Variants in PRDM2 observed in about 807,000 individuals in gnomAD.
The protein encoded by PRDM2 is PR domain zinc finger protein 2.
PRDM2 carries 30 observed loss-of-function variants against 130.0 expected under a neutral mutation model. That is an observed-to-expected ratio of 0.23 (90% CI 0.17 to 0.31). The LOEUF is 0.31. Among genes scored for constraint, PRDM2 ranks in the 10% least tolerant of loss-of-function variants. The pLI, the probability that PRDM2 is intolerant of heterozygous loss-of-function variation, is 1.00. For synonymous variants in PRDM2, 871 were observed against 782.4 expected (o/e 1.11, Z -1.89); for missense variants, 2,011 against 2,108.4 (o/e 0.95, Z 0.90).
intron 6 of PRDM2, among the ~76,000 whole-genome samples, chr1:13,753,684 C>T (rs549658609): frequency 1.3e-5 from 2 of 152,214 alleles, no homozygotes; most frequent in East Asian, 3.9e-4. Flanking sequence ...TATTGACCCT[C>T]CCTAAGAGAA....
At chr1:13,770,392 T>C (rs1275094254) in intron 6 of PRDM2, 1 of 447,712 alleles carries the variant, frequency 2.2e-6, no homozygotes, top group Non-Finnish European at 4.4e-6. Context: ...TACTTCCTTT[T>C]GTTAAGATAT....
rs765780156 is a variant in PRDM2, at chr1:13,780,853, C to T, written c.3058C>T (p.Leu1020Phe). The T allele has an allele frequency of 1.9e-6, 3 of 1,610,192 alleles. No individual in the cohort carries two copies. In the South Asian group the frequency reaches 3.3e-5, roughly 18 times the overall value. The change falls in exon 8 of 10, where the codon CTT becomes TTT. Residue 1020 changes from leucine to phenylalanine, a missense_variant. By Grantham distance (22) the Leu-to-Phe change is conservative. Around this residue, in one of 5 missense-constraint regions of PRDM2, gnomAD observed 1,288 missense variants for 1,237.7 expected, o/e 1.04. Transcript: ENST00000311066. ...PLSNATAQSP[L>F]PILSPTVSPS... ...CTCAAATGCCACCGCACAGTCCCCA[C>T]TTCCAATTCTGTCCCCAACAGTGTC...
At chr1:13,701,998 A>G (rs6429793) in intron 1 of PRDM2, among the ~76,000 whole-genome samples, 98,510 of 152,054 alleles carry the variant, frequency 0.65, 32,397 homozygotes, top group Middle Eastern at 0.77. Context: ...GTAAGTACAA[A>G]ACATAACAAA....
chr1:13,799,416 G>C lies in PRDM2; in HGVS notation c.5036+16585G>C, dbSNP rs1644972756. Among the ~76,000 whole-genome samples the C allele has an allele frequency of 2.7e-5, 4 of 150,102 alleles. 1 individual carries two copies. In the South Asian group the frequency reaches 8.4e-4, roughly 32 times the overall value. On this transcript the variant is annotated intron_variant, in intron 8 of 9. Coordinates refer to ENST00000311066, the MANE Select transcript of PRDM2 (RefSeq NM_001393986.1). ...GCTGAGATCGCGCCATTGCACTCCA[G>C]CCTGGGCAACAAGAGCGAAACTCCA...
Position 13,779,146 on chromosome 1 carries a change from C to A in PRDM2, c.1351C>A (p.Leu451Ile). 3 of 1,614,188 alleles carry A rather than the reference C, an allele frequency of 1.9e-6. No individual in the cohort carries two copies. Among genetic ancestry groups the A allele is most frequent in the Non-Finnish European group, 2.5e-6 (3 of 1,180,046 alleles). ...ASKDDSSPPS[L>I]GPDCLIMNSE... Reference sequence around the variant, plus strand: ...AAAAGATGATTCGAGTCCTCCCAGTCTTGGGCCAGACTGTCTGATCATGAA... The same window carrying A: ...AAAAGATGATTCGAGTCCTCCCAGTATTGGGCCAGACTGTCTGATCATGAA... Residue 451 changes from leucine to isoleucine, a missense_variant, in exon 8 of 10, where the codon CTT becomes ATT. Physicochemically the swap from Leu to Ile is conservative, Grantham distance 5. Coordinates refer to ENST00000311066, the MANE Select transcript of PRDM2 (RefSeq NM_001393986.1). This position sits in a 1 kb window ranked among gnomAD's most constrained non-coding sequence, Gnocchi z 4.9.
Position 13,778,485 on chromosome 1 carries a change from G to T in PRDM2, c.690G>T (p.Val230=), listed in dbSNP as rs141684044. The T allele has an allele frequency of 1.7e-4, 282 of 1,614,166 alleles. 3 individuals are homozygous for T. In the African/African-American group the frequency reaches 3.5e-3, roughly 20 times the overall value. ...AGCAGCCGGCCACCCTCCAGGAGGT[G>T]GCCAGTCAGGAGGTGCCTCCAGAAC... is the stretch of plus-strand genomic sequence containing the variant. The part of the protein sequence containing the change: ...ALEQPATLQE[V]ASQEVPPELA... Residue 230 remains valine, a synonymous_variant, in exon 8 of 10, where the codon GTG becomes GTT. Coordinates refer to ENST00000311066, the MANE Select transcript of PRDM2 (RefSeq NM_001393986.1).
At chr1:13,707,044 A>G (rs74406995) in intron 1 of PRDM2, among the ~76,000 whole-genome samples, 2,833 of 152,154 alleles carry the variant, frequency 0.019, 84 homozygotes, top group East Asian at 0.13. Context: ...TGTGCCTGAC[A>G]CCGTAGCAAA....
chr1:13,773,010 T>C, intron 6 of PRDM2, 68 bp from the exon 7 acceptor site: 1 of 867,940 alleles, frequency 1.2e-6, no homozygotes, highest in African/African-American at 1.7e-5. Flanking sequence ...GAATAACACA[T>C]GAGGGAATGA....
rs184145468 is a variant in PRDM2, at chr1:13,798,687, G to C, written c.5036+15856G>C. 4.9e-4 allele frequency among the ~76,000 whole-genome samples: 75 copies of C among 152,046 alleles called. 1 individual carries two copies. The highest frequency in any genetic ancestry group is 1.5e-3 in the African/African-American group (62 of 41,470). ...CTAGGTTCTTTTTCCCCTATTTTTG[G>C]ACCTGAAAATAGGGTCACCCTTTCT... On this transcript the variant is annotated intron_variant, in intron 8 of 9. Transcript: ENST00000311066.
At chr1:13,746,450 A>G (rs1433533656) in intron 5 of PRDM2, among the ~76,000 whole-genome samples, 1 of 151,862 alleles carries the variant, frequency 6.6e-6, no homozygotes, top group Non-Finnish European at 1.5e-5. Flanking sequence ...TTTAATATAA[A>G]GTTGCGAAGC....
intron 6 of PRDM2, 21 bp from the exon 7 acceptor site, chr1:13,773,056 AT>A: frequency 7.5e-7 from 1 of 1,342,058 alleles, no homozygotes; most frequent in East Asian, 2.6e-5. Flanking sequence ...GAATGAATAA[AT>A]TAAAAAAAAT....
chr1:13,760,052 A>AT (rs1407877521), intron 6 of PRDM2, among the ~76,000 whole-genome samples: 2 of 152,096 alleles, frequency 1.3e-5, no homozygotes, highest in Non-Finnish European at 2.9e-5. Flanking sequence ...CTTAATACCT[A>AT]TTTTTAGTTA....
intron 7 of PRDM2, among the ~76,000 whole-genome samples, chr1:13,777,543 G>A (rs1314542980): frequency 7.0e-6 from 1 of 143,798 alleles, no homozygotes; most frequent in Non-Finnish European, 1.5e-5. Flanking sequence ...CCTCACTGAT[G>A]TCTTTGCTGT....
At chr1:13,716,102 A>G (rs1024045311) in intron 2 of PRDM2, among the ~76,000 whole-genome samples, 2 of 152,128 alleles carry the variant, frequency 1.3e-5, no homozygotes, top group South Asian at 2.1e-4. Flanking sequence ...CATATACACC[A>G]TGGAATACTA....
Position 13,803,099 on chromosome 1 carries a change from G to T in PRDM2, c.5037-13328G>T, listed in dbSNP as rs1382284686. Reference sequence around the variant, plus strand: ...CCCCTGTGCTGAATGGAGTGGGGAAGGTGGGCTGGGGAGGCCTGAGGGCTG... The same window carrying T: ...CCCCTGTGCTGAATGGAGTGGGGAATGTGGGCTGGGGAGGCCTGAGGGCTG... On this transcript the variant is annotated intron_variant, in intron 8 of 9. Transcript: ENST00000311066. The surrounding 1 kb of genome is among the most constrained non-coding windows in gnomAD (Gnocchi z 6.2). 6.6e-6 allele frequency among the ~76,000 whole-genome samples: 1 copy of T among 152,236 alleles called. No individual in the cohort carries two copies. Among genetic ancestry groups the T allele is most frequent in the East Asian group, 1.9e-4 (1 of 5,188 alleles).
At position 13,771,824 on chromosome 1, in the gene PRDM2, T is replaced by C. The variant is rs956253371; in HGVS notation, c.512-1254T>C. On this transcript the variant is annotated intron_variant, in intron 6 of 9. Coordinates refer to ENST00000311066, the MANE Select transcript of PRDM2 (RefSeq NM_001393986.1). This position sits in a 1 kb window ranked among gnomAD's most constrained non-coding sequence, Gnocchi z 4.1. ...ATGACTGTTAAGGTTATGTCTCAAATTTTTGTCAAAATCTGGTGGTGTTTT... is the reference window on the plus strand; with the variant it reads ...ATGACTGTTAAGGTTATGTCTCAAACTTTTGTCAAAATCTGGTGGTGTTTT... 6.6e-6 allele frequency: 1 copy of C among 152,244 alleles called. No homozygotes were observed. Among genetic ancestry groups the C allele is most frequent in the Middle Eastern group, 3.2e-3 (1 of 316 alleles). The allele number at this position is 152,244 out of a possible 1,614,324, so 9.4% of individuals were successfully genotyped here.
intron 4 of PRDM2, among the ~76,000 whole-genome samples, chr1:13,740,503 G>C (rs1643406293): frequency 6.6e-6 from 1 of 152,194 alleles, no homozygotes; most frequent in Admixed American, 6.5e-5. Flanking sequence ...GCACCTTCTA[G>C]CATGGTACCT....
chr1:13,755,367 T>C (rs1391698482), intron 6 of PRDM2, among the ~76,000 whole-genome samples: 1 of 152,226 alleles, frequency 6.6e-6, no homozygotes, highest in African/African-American at 2.4e-5. Flanking sequence ...TAATTGAGTG[T>C]ATTGGGAACC....
chr1:13,716,329 T>C (rs1036708844), intron 2 of PRDM2, among the ~76,000 whole-genome samples: 18 of 149,902 alleles, frequency 1.2e-4, no homozygotes, highest in African/African-American at 4.2e-4. Context: ...AGGGATAGCA[T>C]TGGGAGATAT....
Sources: allele counts gnomAD v4.1 joint callset (sites outside exome capture counted in the v4.1 genomes callset), GRCh38; gene constraint gnomAD v4.1.1; regional missense constraint gnomAD v4.1.1; non-coding constraint Gnocchi (gnomAD v3.1); transcripts MANE v1.5; gene names NCBI Gene and HGNC (gene_info 2026-07-23, HGNC 2026-07-21).